The following DLC1 variants were observed in gnomAD, a reference collection of about 807,000 sequenced individuals.
DLC1 encodes the protein DLC1 Rho GTPase activating protein.
A neutral mutation model predicts 140.3 loss-of-function variants in DLC1; 54 were observed. The observed-to-expected ratio is 0.38, with a 90% confidence interval of 0.31 to 0.48. DLC1 has a LOEUF of 0.48. Ranked by LOEUF, DLC1 falls within the 20% of genes least tolerant of loss-of-function variation. DLC1 has a pLI of 0.96. For synonymous variants in DLC1, 986 were observed against 728.1 expected, an observed-to-expected ratio of 1.35 and a Z score of -5.70; for missense variants, 2,536 against 1,907.0, an observed-to-expected ratio of 1.33 and a Z score of -6.14.
intron 1 of DLC1, among the ~76,000 whole-genome samples, chr8:13,566,108 G>C (rs1804418060): frequency 6.6e-6 from 1 of 152,108 alleles, no homozygotes; most frequent in Admixed American, 6.5e-5. Context: ...CATGATTTCT[G>C]CCTTCAGCCT....
At chr8:13,368,951 G>C (rs2117107490) in intron 4 of DLC1, among the ~76,000 whole-genome samples, 1 of 152,228 alleles carries the variant, frequency 6.6e-6, no homozygotes, top group African/African-American at 2.4e-5. Context: ...AGCCTCCCAA[G>C]TAGCTGAGAT....
intron 5 of DLC1, among the ~76,000 whole-genome samples, chr8:13,292,990 A>T (rs1310151039): frequency 6.6e-6 from 1 of 152,208 alleles, no homozygotes; most frequent in African/African-American, 2.4e-5. Context: ...TGAGAGGCTG[A>T]GGTGGGAGGA....
intron 2 of DLC1, among the ~76,000 whole-genome samples, chr8:13,414,011 A>G (rs993500408): frequency 2.0e-5 from 3 of 152,160 alleles, no homozygotes; most frequent in Non-Finnish European, 4.4e-5. Context: ...TATATCAGTG[A>G]TATAAAAATA....
chr8:13,431,058 T>A (rs1234499520), intron 2 of DLC1, among the ~76,000 whole-genome samples: 4 of 152,232 alleles, frequency 2.6e-5, no homozygotes, highest in Non-Finnish European at 5.9e-5. Flanking sequence ...TTTATTAAGC[T>A]ATGGCATGAG....
At chr8:13,221,284 C>G (rs1022046367) in intron 5 of DLC1, among the ~76,000 whole-genome samples, 1 of 152,078 alleles carries the variant, frequency 6.6e-6, no homozygotes, top group African/African-American at 2.4e-5. Flanking sequence ...TGGGAAGAGC[C>G]CTCAAAAGCT....
At chr8:13,410,849 C>A (rs1194754522) in intron 2 of DLC1, among the ~76,000 whole-genome samples, 2 of 152,130 alleles carry the variant, frequency 1.3e-5, no homozygotes, top group African/African-American at 4.8e-5. Flanking sequence ...CAAGAATCTG[C>A]AGCAGAGGCG....
intron 5 of DLC1, among the ~76,000 whole-genome samples, chr8:13,174,508 T>A (rs1825660298): frequency 1.3e-5 from 2 of 152,226 alleles, no homozygotes; most frequent in African/African-American, 4.8e-5. Context: ...TCCTTTTCTC[T>A]GCAGCCTCGC....
chr8:13,092,042 C>T lies in DLC1; in HGVS notation c.3740+570G>A, dbSNP rs79598606. Among the ~76,000 whole-genome samples the T allele has an allele frequency of 8.6e-3, 1,308 of 152,154 alleles. 18 individuals carry two copies. The highest frequency in any genetic ancestry group is 0.045 in the East Asian group (233 of 5,158). Reference sequence around the variant, plus strand: ...CGGGTGGATCATAAGGTCAGGAGCTCGAGACCAGCCTGGCCAACATGGTGA... The same window carrying T: ...CGGGTGGATCATAAGGTCAGGAGCTTGAGACCAGCCTGGCCAACATGGTGA... On this transcript the variant is annotated intron_variant, in intron 13 of 17. Transcript: ENST00000276297.
chr8:13,199,638 T>C (rs1248498418), intron 5 of DLC1, among the ~76,000 whole-genome samples: 1 of 152,198 alleles, frequency 6.6e-6, no homozygotes. Flanking sequence ...TTATATAAAA[T>C]AGTTCCTATA....
At chr8:13,321,930 A>AT (rs954587328) in intron 4 of DLC1, among the ~76,000 whole-genome samples, 1 of 151,498 alleles carries the variant, frequency 6.6e-6, no homozygotes, top group Non-Finnish European at 1.5e-5. Context: ...TCCTGCAAAT[A>AT]TTTTTTTTAG....
intron 7 of DLC1, among the ~76,000 whole-genome samples, chr8:13,109,484 G>A (rs1002755614): frequency 6.6e-6 from 1 of 152,098 alleles, no homozygotes; most frequent in Non-Finnish European, 1.5e-5. Flanking sequence ...CTGTAGCTGG[G>A]AGGTCAAGGC....
chr8:13,166,847 C>G (rs1825141058), intron 5 of DLC1, among the ~76,000 whole-genome samples: 1 of 152,206 alleles, frequency 6.6e-6, no homozygotes, highest in Non-Finnish European at 1.5e-5. Flanking sequence ...TAGGTGGGGC[C>G]TGAGAGGTGA....
chr8:13,317,195 G>C (rs1168707100), intron 4 of DLC1, among the ~76,000 whole-genome samples: 1 of 152,180 alleles, frequency 6.6e-6, no homozygotes, highest in Non-Finnish European at 1.5e-5. Context: ...TTCAAATCAA[G>C]TATAAGGAAG....
At chr8:13,096,121 C>T (rs556366607) in intron 10 of DLC1, 1 of 152,298 alleles carries the variant, frequency 6.6e-6, no homozygotes, top group African/African-American at 2.4e-5. Flanking sequence ...CCCGAAAGGG[C>T]AAGGCCAAAC....
rs112256213 is a variant in DLC1 at position 13,316,339 on chromosome 8, G to A, written c.1315-11037C>T. Among the ~76,000 whole-genome samples, 7 of 152,172 alleles carry A rather than the reference G, an allele frequency of 4.6e-5. 1 individual carries two copies. Among genetic ancestry groups the A allele is most frequent in the African/African-American group, 1.4e-4 (6 of 41,506 alleles). On this transcript the variant is annotated intron_variant, in intron 4 of 17. Coordinates refer to ENST00000276297, the MANE Select transcript of DLC1 (RefSeq NM_182643.3). ...GCAGTTTTGTCCTAGTATATACAGA[G>A]TCATAGGTGAGTTTTATACAATACA...
At chr8:13,351,331 G>C (rs1008918696) in intron 4 of DLC1, among the ~76,000 whole-genome samples, 2 of 152,184 alleles carry the variant, frequency 1.3e-5, no homozygotes, top group African/African-American at 4.8e-5. Flanking sequence ...CACAAACTAG[G>C]AAACAGTTGG....
chr8:13,568,513 G>T (rs1027678333), intron 1 of DLC1, among the ~76,000 whole-genome samples: 1 of 152,164 alleles, frequency 6.6e-6, no homozygotes, highest in African/African-American at 2.4e-5. Context: ...ATTGGGGTAG[G>T]ACTGGGGGAA....
At chr8:13,135,665 C>T (rs761328123) in intron 5 of DLC1, among the ~76,000 whole-genome samples, 1 of 152,172 alleles carries the variant, frequency 6.6e-6, no homozygotes, top group African/African-American at 2.4e-5. Flanking sequence ...CCTCCAAATA[C>T]ACCAATTCTC....
At chr8:13,174,712 G>T (rs1178448979) in intron 5 of DLC1, among the ~76,000 whole-genome samples, 1 of 152,110 alleles carries the variant, frequency 6.6e-6, no homozygotes, top group Non-Finnish European at 1.5e-5. Context: ...TACTGGGGTT[G>T]TATGTTTTTT....
Sources: allele counts gnomAD v4.1 joint callset (sites outside exome capture counted in the v4.1 genomes callset), GRCh38; gene constraint gnomAD v4.1.1; transcripts MANE v1.5; gene names NCBI Gene and HGNC (gene_info 2026-07-23, HGNC 2026-07-21).